DACH1: variants seen among roughly 807,000 people sequenced by gnomAD.
DACH1 encodes the protein dachshund family transcription factor 1, also known as dachshund homolog 1.
DACH1 carries 12 observed loss-of-function variants against 54.2 expected under a neutral mutation model. The observed-to-expected ratio is 0.22, with a 90% CI of 0.14 to 0.36. DACH1 has a LOEUF of 0.36. Ranked by LOEUF, DACH1 falls within the 10% of genes least tolerant of loss-of-function variation. The pLI is 1.00. For synonymous variants in DACH1, 386 were observed against 366.2 expected, an observed-to-expected ratio of 1.05 and a Z score of -0.62; for missense variants, 805 against 929.8, an observed-to-expected ratio of 0.87 and a Z score of 1.75.
chr13:71,775,566 T>C (rs902800664), intron 1 of DACH1, among the ~76,000 whole-genome samples: 64 of 152,172 alleles, frequency 4.2e-4, no homozygotes, highest in African/African-American at 1.5e-3. Flanking sequence ...CAAAGATATA[T>C]ACATTAGCTA....
chr13:71,738,055 T>C (rs1181543537), intron 1 of DACH1, among the ~76,000 whole-genome samples: 2 of 152,166 alleles, frequency 1.3e-5, no homozygotes, highest in Admixed American at 6.5e-5. Context: ...AACGGACATA[T>C]ATTTGGAAGT....
At chr13:71,763,444 T>G (rs1031393689) in intron 1 of DACH1, among the ~76,000 whole-genome samples, 1 of 152,182 alleles carries the variant, frequency 6.6e-6, no homozygotes, top group African/African-American at 2.4e-5. Flanking sequence ...GATAATTACT[T>G]AAAATATAAA....
At chr13:71,516,198 C>G (rs1881147273) in intron 6 of DACH1, among the ~76,000 whole-genome samples, 1 of 151,718 alleles carries the variant, frequency 6.6e-6, no homozygotes, top group African/African-American at 2.4e-5. Context: ...GAAGTAGATG[C>G]AAATACCTTG....
In DACH1 at chr13:71,556,520, T is replaced by C. The variant is rs145443687; in HGVS notation, c.1570+504A>G. On this transcript the variant is annotated intron_variant, in intron 6 of 10. Coordinates refer to ENST00000613252, the MANE Select transcript of DACH1 (RefSeq NM_080759.6). The stretch of plus-strand genomic sequence containing the variant: ...GGGTTTGATTGACATTAACAAAATA[T>C]AAGAAACTTTTTTAGCTATGTAGAA... 5.3e-3 allele frequency among the ~76,000 whole-genome samples: 812 copies of C among 152,272 alleles called. 6 individuals carry two copies. The highest frequency in any genetic ancestry group is 0.028 in the East Asian group (144 of 5,190).
At chr13:71,603,729 T>C (rs1396101969) in intron 3 of DACH1, among the ~76,000 whole-genome samples, 1 of 151,982 alleles carries the variant, frequency 6.6e-6, no homozygotes, top group African/African-American at 2.4e-5. Flanking sequence ...ATATTTTATA[T>C]AAATTACCTA....
intron 2 of DACH1, among the ~76,000 whole-genome samples, chr13:71,631,394 T>C (rs1411505355): frequency 6.6e-6 from 1 of 152,176 alleles, no homozygotes; most frequent in Non-Finnish European, 1.5e-5. Context: ...GCTGCTGTTA[T>C]AGGACATGCC....
intron 1 of DACH1, among the ~76,000 whole-genome samples, chr13:71,793,248 A>G (rs946824939): frequency 6.6e-6 from 1 of 152,274 alleles, no homozygotes; most frequent in East Asian, 1.9e-4. Flanking sequence ...TACTTTAAGG[A>G]TGTTAGAACA....
chr13:71,702,662 A>G (rs947753864), intron 1 of DACH1, among the ~76,000 whole-genome samples: 7 of 150,964 alleles, frequency 4.6e-5, no homozygotes, highest in African/African-American at 1.5e-4. Flanking sequence ...CCTGAAACAC[A>G]TGATAATAAT....
intron 1 of DACH1, among the ~76,000 whole-genome samples, chr13:71,750,604 T>C (rs1252927832): frequency 6.6e-6 from 1 of 152,242 alleles, no homozygotes. Flanking sequence ...AATGCTGAAC[T>C]AGGAAATGAA....
intron 1 of DACH1, among the ~76,000 whole-genome samples, chr13:71,838,942 G>A (rs891633552): frequency 6.6e-6 from 1 of 152,028 alleles, no homozygotes; most frequent in African/African-American, 2.4e-5. Context: ...TTATTCAGTG[G>A]TATTTTTCAA....
At chr13:71,786,400 G>A (rs752208600) in intron 1 of DACH1, among the ~76,000 whole-genome samples, 5 of 152,132 alleles carry the variant, frequency 3.3e-5, no homozygotes, top group Non-Finnish European at 7.4e-5. Flanking sequence ...GGCGGCCACA[G>A]CTTCATAGCC....
intron 3 of DACH1, among the ~76,000 whole-genome samples, chr13:71,594,654 T>G (rs1484255908): frequency 2.6e-5 from 4 of 152,140 alleles, no homozygotes. Context: ...CATCACTTTT[T>G]CAGTGCAAAG....
At chr13:71,835,716 C>T (rs755187316) in intron 1 of DACH1, among the ~76,000 whole-genome samples, 12 of 151,822 alleles carry the variant, frequency 7.9e-5, no homozygotes, top group Non-Finnish European at 1.6e-4. Context: ...TGTCCTAGTT[C>T]GGCTAATTAA....
At position 71,694,890 on chromosome 13, in the gene DACH1, A is replaced by G. The variant is rs941654079; in HGVS notation, c.849-12980T>C. 3.3e-5 allele frequency among the ~76,000 whole-genome samples: 5 copies of G among 152,348 alleles called. 1 individual carries two copies. The East Asian group carries it at 9.6e-4, about 29-fold the overall frequency. On this transcript the variant is annotated intron_variant, in intron 1 of 10. Coordinates refer to ENST00000613252, the MANE Select transcript of DACH1 (RefSeq NM_080759.6). ...GAATTCTTTTGAGCACTTTATGTAT[A>G]TTATTTCACTTAATTCAAGAAACTT...
At chr13:71,599,934 T>G (rs1015041727) in intron 3 of DACH1, among the ~76,000 whole-genome samples, 2 of 151,746 alleles carry the variant, frequency 1.3e-5, no homozygotes, top group Non-Finnish European at 2.9e-5. Flanking sequence ...ATAACTGATA[T>G]GAGAAAGCAG....
At chr13:71,816,039 C>G (rs1218449659) in intron 1 of DACH1, among the ~76,000 whole-genome samples, 1 of 151,726 alleles carries the variant, frequency 6.6e-6, no homozygotes, top group Non-Finnish European at 1.5e-5. Context: ...GAGCCGAGAT[C>G]GCGCCACTGC....
At chr13:71,490,106 T>C (rs1205415476) in intron 6 of DACH1, among the ~76,000 whole-genome samples, 2 of 152,194 alleles carry the variant, frequency 1.3e-5, no homozygotes, top group Non-Finnish European at 2.9e-5. Flanking sequence ...GTTTTATAAA[T>C]ATTTTCATAT....
At chr13:71,855,617 G>C (rs1394152680) in intron 1 of DACH1, among the ~76,000 whole-genome samples, 1 of 151,962 alleles carries the variant, frequency 6.6e-6, no homozygotes, top group East Asian at 1.9e-4. Flanking sequence ...TGTAAGTAAA[G>C]TGAATCCAGC....
intron 1 of DACH1, among the ~76,000 whole-genome samples, chr13:71,842,966 T>C (rs1872978251): frequency 6.6e-6 from 1 of 152,214 alleles, no homozygotes; most frequent in African/African-American, 2.4e-5. Flanking sequence ...AATAACATTT[T>C]ATAATTTATG....
Sources: allele counts gnomAD v4.1 joint callset (sites outside exome capture counted in the v4.1 genomes callset), GRCh38; gene constraint gnomAD v4.1.1; transcripts MANE v1.5; gene names NCBI Gene and HGNC (gene_info 2026-07-23, HGNC 2026-07-21).